Variants in JAM3 observed in about 807,000 individuals in gnomAD.
JAM3 encodes the protein junctional adhesion molecule 3.
A neutral mutation model predicts 39.4 loss-of-function variants in JAM3; 31 were observed. The ratio of observed to expected loss-of-function variants is 0.79; its 90% CI spans 0.59 to 1.06. JAM3 has a LOEUF of 1.06. JAM3 is among the 50% of genes least tolerant of loss of function. JAM3 has a pLI of 0.00. For missense variants in JAM3, 455 were observed against 391.4 expected (o/e 1.16, Z -1.37); for synonymous variants, 182 against 148.7 (o/e 1.22, Z -1.63).
At chr11:134,087,775 C>G (rs1277453029) in intron 1 of JAM3, among the ~76,000 whole-genome samples, 1 of 152,160 alleles carries the variant, frequency 6.6e-6, no homozygotes, top group Admixed American at 6.5e-5. Context: ...AAGCAAATAC[C>G]TAACCCTCTT....
At chr11:134,121,590 A>G (rs1942533177) in intron 1 of JAM3, among the ~76,000 whole-genome samples, 1 of 152,166 alleles carries the variant, frequency 6.6e-6, no homozygotes, top group Non-Finnish European at 1.5e-5. Flanking sequence ...TCTATGTCAA[A>G]CTGGCTTCAG....
intron 1 of JAM3, among the ~76,000 whole-genome samples, chr11:134,128,147 A>G (rs1942689011): frequency 6.6e-6 from 1 of 152,210 alleles, no homozygotes; most frequent in South Asian, 2.1e-4. Context: ...CTGAGCTGAT[A>G]TATTGTTATT....
chr11:134,128,645 C>T (rs1268051664), intron 1 of JAM3, among the ~76,000 whole-genome samples: 1 of 151,784 alleles, frequency 6.6e-6, no homozygotes, highest in South Asian at 2.1e-4. Context: ...CATGTGTGCT[C>T]TGTCTCTCTC....
chr11:134,141,865 C>T (rs982146432), intron 3 of JAM3, among the ~76,000 whole-genome samples: 1 of 151,790 alleles, frequency 6.6e-6, no homozygotes, highest in Admixed American at 6.6e-5. Flanking sequence ...GTGCATGAGT[C>T]GGAGCCTGTG....
chr11:134,144,175 C>T (rs1441433969), intron 3 of JAM3, 66 bp from the exon 4 acceptor site: 10 of 1,568,434 alleles, frequency 6.4e-6, no homozygotes, highest in Non-Finnish European at 8.8e-6. Flanking sequence ...GCCCCAGAAA[C>T]CACCCTCTTC....
In JAM3 at chr11:134,149,085, G is replaced by A. The variant is rs12795060; in HGVS notation, c.898-61G>A. 0.094 allele frequency: 149,862 copies of A among 1,594,044 alleles called. 7,769 individuals are homozygous for A. Among genetic ancestry groups the A allele is most frequent in the Admixed American group, 0.11 (6,805 of 59,946 alleles). ...ATTTAGCCCATGTTAGACTTACTCC[G>A]TGTTTTTCCCTGCTTGCCACCAGGC... On this transcript the variant is annotated intron_variant, in intron 8 of 8. Coordinates refer to ENST00000299106, the MANE Select transcript of JAM3 (RefSeq NM_032801.5).
chr11:134,085,916 C>T (rs1049444906), intron 1 of JAM3, among the ~76,000 whole-genome samples: 7 of 152,148 alleles, frequency 4.6e-5, no homozygotes, highest in South Asian at 2.1e-4. Flanking sequence ...TCTGTTCAAA[C>T]GTATTATCGC....
chr11:134,105,534 T>C (rs1311407181), intron 1 of JAM3, among the ~76,000 whole-genome samples: 1 of 152,112 alleles, frequency 6.6e-6, no homozygotes, highest in African/African-American at 2.4e-5. Flanking sequence ...ATAAAGGGTA[T>C]TCAATTAGGA....
rs1239843272 is a variant in JAM3, at chr11:134,082,695, C to A, written c.76+13536C>A. On this transcript the variant is annotated intron_variant, in intron 1 of 8. Transcript: ENST00000299106. ...AACTATGATAAACCTATTTCTTTTG[C>A]AAATTGCCCAGTCTCGGGTATGTCT... is the stretch of plus-strand genomic sequence containing the variant. 2.6e-5 allele frequency among the ~76,000 whole-genome samples: 4 copies of A among 152,124 alleles called. No individual in the cohort carries two copies. The East Asian group carries it at 7.7e-4, about 29-fold the overall frequency.
At chr11:134,087,283 A>C (rs546064305) in intron 1 of JAM3, among the ~76,000 whole-genome samples, 2 of 152,334 alleles carry the variant, frequency 1.3e-5, no homozygotes, top group South Asian at 4.1e-4. Flanking sequence ...GAAAAGGAAA[A>C]CACTGTAAAT....
intron 1 of JAM3, among the ~76,000 whole-genome samples, chr11:134,104,533 T>C (rs1430223659): frequency 1.3e-5 from 2 of 151,544 alleles, no homozygotes; most frequent in Non-Finnish European, 2.9e-5. Flanking sequence ...GAAATAGAGA[T>C]ACAAAAAACC....
chr11:134,145,881 G>A, intron 5 of JAM3, 65 bp from the exon 6 acceptor site: 1 of 1,048,210 alleles, frequency 9.5e-7, no homozygotes, highest in Non-Finnish European at 1.5e-6. Context: ...GGACCCAGCT[G>A]GCTGTGCTCT....
Position 134,149,940 on chromosome 11 carries a change from C to A in JAM3, c.*759C>A. On this transcript the variant is annotated 3_prime_UTR_variant, in exon 9 of 9. Coordinates refer to ENST00000299106, the MANE Select transcript of JAM3 (RefSeq NM_032801.5). Reference sequence around the variant, plus strand: ...ATAAAATTTTACATCTAAATTTTTGCTAAGGATGTATTTTGATTATTGAAA... The same window carrying A: ...ATAAAATTTTACATCTAAATTTTTGATAAGGATGTATTTTGATTATTGAAA... The A allele has an allele frequency of 5.7e-6, 1 of 174,452 alleles. No homozygotes were observed. Among genetic ancestry groups the A allele is most frequent in the Non-Finnish European group, 1.2e-5 (1 of 81,274 alleles). The allele number at this position is 174,452 out of a possible 1,614,324, so 10.8% of individuals were successfully genotyped here.
At chr11:134,139,172 C>G (rs551296229) in intron 1 of JAM3, among the ~76,000 whole-genome samples, 43 of 152,268 alleles carry the variant, frequency 2.8e-4, no homozygotes, top group African/African-American at 1.0e-3. Flanking sequence ...TTGCCCAAAC[C>G]CATAAGGAAT....
intron 1 of JAM3, among the ~76,000 whole-genome samples, chr11:134,130,573 A>G (rs1262847822): frequency 6.6e-6 from 1 of 152,222 alleles, no homozygotes; most frequent in African/African-American, 2.4e-5. Flanking sequence ...CCGACGTTGT[A>G]GAAGCTCTGA....
rs1461500535 is a variant in JAM3, at chr11:134,144,455, T to A, written c.409+62T>A. ...AGGATGCAAGAGATCAGTTAGTGTC[T>A]TGGTTTCTTTCCTTCTAGAACTGTA... is the stretch of plus-strand genomic sequence containing the variant. On this transcript the variant is annotated intron_variant, in intron 4 of 8. Coordinates refer to ENST00000299106, the MANE Select transcript of JAM3 (RefSeq NM_032801.5). The A allele has an allele frequency of 3.1e-6, 5 of 1,588,000 alleles. No individual in the cohort carries two copies. In the East Asian group the frequency reaches 1.1e-4, roughly 35 times the overall value.
chr11:134,114,452 A>G (rs1020729236), intron 1 of JAM3, among the ~76,000 whole-genome samples: 34 of 152,132 alleles, frequency 2.2e-4, no homozygotes, highest in African/African-American at 7.0e-4. Flanking sequence ...TCCTTTCCCC[A>G]TTTCTTGTTT....
intron 1 of JAM3, among the ~76,000 whole-genome samples, chr11:134,097,887 C>G (rs1371232153): frequency 6.6e-6 from 1 of 151,600 alleles, no homozygotes; most frequent in East Asian, 1.9e-4. Context: ...TATACACACA[C>G]TTTGCACTGT....
At chr11:134,108,373 C>A (rs531392151) in intron 1 of JAM3, among the ~76,000 whole-genome samples, 2 of 151,360 alleles carry the variant, frequency 1.3e-5, no homozygotes, top group Non-Finnish European at 2.9e-5. Context: ...AAAAAAGACA[C>A]CAATTCTAAC....
Sources: allele counts gnomAD v4.1 joint callset (sites outside exome capture counted in the v4.1 genomes callset), GRCh38; gene constraint gnomAD v4.1.1; transcripts MANE v1.5; gene names NCBI Gene and HGNC (gene_info 2026-07-23, HGNC 2026-07-21).